IFT172: variants seen among roughly 807,000 people sequenced by gnomAD.
IFT172 encodes intraflagellar transport protein 172 homolog.
Under a neutral mutation model 248.9 loss-of-function variants are expected in IFT172, and 164 were observed. The ratio of observed to expected loss-of-function variants is 0.66; its 90% CI spans 0.58 to 0.75. The LOEUF (loss-of-function observed/expected upper bound fraction) is 0.75. Ranked by LOEUF, IFT172 falls within the 30% of genes least tolerant of loss-of-function variation. The pLI is 0.00. For missense variants in IFT172, 1,950 were observed against 2,192.4 expected (o/e 0.89, Z 2.21); for synonymous variants, 729 against 791.6 (o/e 0.92, Z 1.33).
Position 27,459,196 on chromosome 2 carries a change from A to G in IFT172, c.2787+182T>C, listed in dbSNP as rs953846781. 6.8e-6 allele frequency: 5 copies of G among 739,482 alleles called. No homozygotes were observed. In the African/African-American group the frequency reaches 7.1e-5, roughly 10 times the overall value. 45.8% of individuals were successfully genotyped at this position (739,482 alleles called of 1,614,324 possible). ...TTATATATCTGGGGTGAAGGGCGATATCTGTGTCACACTGGAATGAAAATG... is the reference window on the plus strand; with the variant it reads ...TTATATATCTGGGGTGAAGGGCGATGTCTGTGTCACACTGGAATGAAAATG... On this transcript the variant is annotated intron_variant, in intron 25 of 47. Transcript: ENST00000260570.
chr2:27,448,817 T>G, intron 40 of IFT172, 98 bp downstream of exon 40: 1 of 753,794 alleles, frequency 1.3e-6, no homozygotes, highest in Non-Finnish European at 2.5e-6. Context: ...TCTCTAAGGA[T>G]AGAATCCTCT....
At chr2:27,448,704 A>G (rs934935432) in intron 40 of IFT172, among the ~76,000 whole-genome samples, 1 of 152,052 alleles carries the variant, frequency 6.6e-6, no homozygotes, top group Non-Finnish European at 1.5e-5. Context: ...CTTCAAACAG[A>G]AGTTGGAAGT....
intron 42 of IFT172, among the ~76,000 whole-genome samples, chr2:27,446,801 G>A (rs1665158847): frequency 6.9e-6 from 1 of 143,994 alleles, no homozygotes; most frequent in Non-Finnish European, 1.5e-5. Context: ...CCGGGTTCAC[G>A]CCATTCTCCT....
intron 16 of IFT172, among the ~76,000 whole-genome samples, chr2:27,466,316 C>T (rs1401874277): frequency 6.6e-6 from 1 of 152,084 alleles, no homozygotes; most frequent in Non-Finnish European, 1.5e-5. Context: ...GGTCAATAAG[C>T]TAAATCCTGA....
chr2:27,480,787 G>C (rs138187608), intron 8 of IFT172, among the ~76,000 whole-genome samples: 1 of 152,072 alleles, frequency 6.6e-6, no homozygotes, highest in Non-Finnish European at 1.5e-5. Context: ...GTCTCAAAGG[G>C]GGCAATGGAA....
chr2:27,475,169 T>A (rs1051997242), intron 14 of IFT172, among the ~76,000 whole-genome samples: 4 of 152,162 alleles, frequency 2.6e-5, no homozygotes, highest in Non-Finnish European at 5.9e-5. Context: ...TTAAGCCAAA[T>A]TATGAAGTCA....
chr2:27,467,907 T>A (rs1050670862), intron 16 of IFT172, among the ~76,000 whole-genome samples: 1 of 152,022 alleles, frequency 6.6e-6, no homozygotes, highest in African/African-American at 2.4e-5. Context: ...ATGCCTGTAA[T>A]CCCAGCACTA....
intron 35 of IFT172, among the ~76,000 whole-genome samples, chr2:27,451,332 T>G (rs1360758016): frequency 6.6e-6 from 1 of 152,204 alleles, no homozygotes; most frequent in East Asian, 1.9e-4. Flanking sequence ...AAAGGTACAG[T>G]CATGCCATGC....
chr2:27,483,816 C>T, intron 5 of IFT172, 56 bp downstream of exon 5: 2 of 1,501,728 alleles, frequency 1.3e-6, no homozygotes, highest in South Asian at 1.1e-5. Context: ...ATATTCCTCT[C>T]TCCAGAACCA....
At chr2:27,457,804 T>A in intron 28 of IFT172, 37 bp downstream of exon 28, 7 of 1,614,076 alleles carry the variant, frequency 4.3e-6, no homozygotes, top group Non-Finnish European at 5.9e-6. Context: ...GGAGCCTGGT[T>A]GGGGAAGAGA....
In IFT172 at chr2:27,483,381, A is replaced by T. The variant is rs1268882687; in HGVS notation, c.483-5T>A. ...AGAATTCCTTTCCCAGAGCAACTAA[A>T]AAAGGAGAAAGGAGAGAAATACAGG... is the stretch of plus-strand genomic sequence containing the variant. On this transcript the variant is annotated splice_polypyrimidine_tract_variant and splice_region_variant and intron_variant, in intron 6 of 47. Transcript: ENST00000260570. 2 of 1,581,326 alleles carry T rather than the reference A, an allele frequency of 1.3e-6. No homozygotes were observed. The highest frequency in any genetic ancestry group is 1.7e-6 in the Non-Finnish European group (2 of 1,150,436).
chr2:27,449,167 T>G, intron 39 of IFT172, 127 bp downstream of exon 39: 1 of 1,272,650 alleles, frequency 7.9e-7, no homozygotes, highest in Non-Finnish European at 1.1e-6. Flanking sequence ...AGACTGAGCT[T>G]CTCTGATGCC....
At chr2:27,470,761 A>G (rs1667504181) in intron 16 of IFT172, 167 bp downstream of exon 16, 4 of 581,022 alleles carry the variant, frequency 6.9e-6, no homozygotes, top group Non-Finnish European at 1.1e-5. Context: ...GGAATCTGAA[A>G]AAGGATGGTT....
chr2:27,453,545 G>T (rs779303500), intron 34 of IFT172, 32 bp from the exon 35 acceptor site: 1 of 1,611,930 alleles, frequency 6.2e-7, no homozygotes, highest in Non-Finnish European at 8.5e-7. Flanking sequence ...GACTTGGCAT[G>T]GTAGGGGGGC....
rs192140027 is a variant in IFT172, at chr2:27,448,836, A to G, written c.4428+79T>C. 325 of 782,696 alleles carry G rather than the reference A, an allele frequency of 4.2e-4. 1 individual carries two copies. In the African/African-American group the frequency reaches 4.9e-3, roughly 12 times the overall value. The allele number at this position is 782,696 out of a possible 1,614,324, so 48.5% of individuals were successfully genotyped here. On this transcript the variant is annotated intron_variant, in intron 40 of 47. Coordinates refer to ENST00000260570, the MANE Select transcript of IFT172 (RefSeq NM_015662.3). ...TAAGGATAGAATCCTCTGAGAAGAT[A>G]GTTCCTGAGAAGATAGGTGGTTCTA...
intron 1 of IFT172, chr2:27,486,040 T>G (rs1348150011): frequency 6.0e-6 from 1 of 166,990 alleles, no homozygotes; most frequent in Non-Finnish European, 1.5e-5. Flanking sequence ...TTATCAAAAT[T>G]AAGCTTTGAA....
chr2:27,468,046 G>C (rs1667243225), intron 16 of IFT172, among the ~76,000 whole-genome samples: 1 of 151,606 alleles, frequency 6.6e-6, no homozygotes, highest in Non-Finnish European at 1.5e-5. Flanking sequence ...TGCAGTTCCA[G>C]CTACTTAGGA....
intron 16 of IFT172, 146 bp from the exon 17 acceptor site, chr2:27,466,028 A>G (rs1011288690): frequency 6.7e-6 from 6 of 894,710 alleles, no homozygotes; most frequent in African/African-American, 5.0e-5. Flanking sequence ...AGTTTCTCTC[A>G]AGCATAAAAA....
chr2:27,466,689 T>C (rs549658602), intron 16 of IFT172, among the ~76,000 whole-genome samples: 3 of 152,104 alleles, frequency 2.0e-5, no homozygotes, highest in African/African-American at 7.2e-5. Flanking sequence ...ACAACAGTTT[T>C]AGATCTTCAA....
Sources: allele counts gnomAD v4.1 joint callset (sites outside exome capture counted in the v4.1 genomes callset), GRCh38; gene constraint gnomAD v4.1.1; transcripts MANE v1.5; gene names NCBI Gene and HGNC (gene_info 2026-07-23, HGNC 2026-07-21).